Variants in HADHA observed in about 807,000 individuals in gnomAD.
HADHA encodes hydroxyacyl-CoA dehydrogenase trifunctional multienzyme complex subunit alpha.
HADHA carries 59 observed loss-of-function variants against 91.3 expected under a neutral mutation model. The ratio of observed to expected loss-of-function variants is 0.65; its 90% CI spans 0.52 to 0.80. The LOEUF is 0.80. Ranked by LOEUF, HADHA falls within the 30% of genes least tolerant of loss-of-function variation. HADHA has a pLI of 0.00. For synonymous variants in HADHA, 320 were observed against 338.9 expected (o/e 0.94, Z 0.61); for missense variants, 800 against 927.6 (o/e 0.86, Z 1.79).
intron 3 of HADHA, 137 bp from the exon 4 acceptor site, chr2:26,237,125 T>C (rs887986859): frequency 1.3e-6 from 1 of 757,542 alleles, no homozygotes; most frequent in South Asian, 1.4e-5. Flanking sequence ...GTAAGAAATA[T>C]CATTCTCCCA....
At chr2:26,198,064 A>G (rs1669728182) in intron 13 of HADHA, among the ~76,000 whole-genome samples, 1 of 152,188 alleles carries the variant, frequency 6.6e-6, no homozygotes, top group Non-Finnish European at 1.5e-5. Flanking sequence ...GGTCAATAAA[A>G]CAGCTTAGAA....
chr2:26,234,128 T>A, intron 5 of HADHA, 89 bp downstream of exon 5: 2 of 1,320,074 alleles, frequency 1.5e-6, no homozygotes, highest in Admixed American at 3.6e-5. Context: ...AGAAACTTTT[T>A]CCAGGCAAAG....
chr2:26,191,696 C>T (rs1352126261), intron 18 of HADHA, 68 bp from the exon 19 acceptor site: 14 of 1,536,272 alleles, frequency 9.1e-6, no homozygotes, highest in African/African-American at 1.4e-5. Context: ...GCCGCAGATG[C>T]AGAATGGAAG....
Position 26,232,181 on chromosome 2 carries a change from G to T in HADHA, c.552C>A (p.Gly184=), listed in dbSNP as rs997810898. Residue 184 remains glycine, a synonymous_variant, in exon 6 of 20, where the codon GGC becomes GGA. Transcript: ENST00000380649. ...VLLGALPGAG[G]TQRLPKMVGV... ...TCACCATTTTGGGCAGCCTTTGTGT[G>T]CCTCCTGCTCCTGGTAAGGCCCCCA... 3.1e-6 allele frequency: 5 copies of T among 1,610,484 alleles called. No homozygotes were observed. In the African/African-American group the frequency reaches 6.7e-5, roughly 22 times the overall value.
At chr2:26,194,438 C>G in intron 16 of HADHA, 132 bp downstream of exon 16, 1 of 730,114 alleles carries the variant, frequency 1.4e-6, no homozygotes, top group South Asian at 1.5e-5. Context: ...AGAGAGGGCA[C>G]CAGGGACCTT....
chr2:26,220,601 C>T (rs529246776), intron 7 of HADHA, among the ~76,000 whole-genome samples: 1 of 152,322 alleles, frequency 6.6e-6, no homozygotes, highest in South Asian at 2.1e-4. Context: ...ACTGGTGTTC[C>T]AGATGTCGTT....
chr2:26,212,362 CA>C (rs1670121761), intron 10 of HADHA: 1 of 571,350 alleles, frequency 1.8e-6, no homozygotes, highest in African/African-American at 1.9e-5. Flanking sequence ...GTTGGGATTA[CA>C]GGGGTAAACC....
chr2:26,223,902 A>C (rs964502407), intron 7 of HADHA, among the ~76,000 whole-genome samples: 5 of 152,026 alleles, frequency 3.3e-5, no homozygotes, highest in African/African-American at 1.2e-4. Flanking sequence ...ATGTACCACC[A>C]CGCCTGGCTA....
At chr2:26,196,184 A>G (rs979582720) in intron 14 of HADHA, among the ~76,000 whole-genome samples, 7 of 152,312 alleles carry the variant, frequency 4.6e-5, no homozygotes, top group East Asian at 3.9e-4. Flanking sequence ...GGTTAGTAGT[A>G]CAGAGTCAGT....
chr2:26,207,876 TATC>T (rs1287451875), intron 11 of HADHA, among the ~76,000 whole-genome samples: 1 of 152,214 alleles, frequency 6.6e-6, no homozygotes, highest in African/African-American at 2.4e-5. Flanking sequence ...GAATTCCAGT[TATC>T]ATCCAAGGCA....
intron 3 of HADHA, 145 bp from the exon 4 acceptor site, chr2:26,237,133 C>A: frequency 2.7e-6 from 2 of 735,272 alleles, no homozygotes; most frequent in South Asian, 1.5e-5. Flanking sequence ...TATCATTCTC[C>A]CAGCAAGTCA....
chr2:26,212,671 C>T (rs748008998), intron 9 of HADHA, 45 bp from the exon 10 acceptor site: 7 of 1,251,596 alleles, frequency 5.6e-6, no homozygotes, highest in African/African-American at 2.9e-5. Flanking sequence ...AATAGATTGG[C>T]GAGATGTACA....
Position 26,214,362 on chromosome 2 carries a change from G to T in HADHA, c.918+81C>A. ...AAGAAATTTAGTACTCAACATACAT[G>T]GTCCAGAATGGCAATAAGGAGGAGT... On this transcript the variant is annotated intron_variant, in intron 9 of 19. Transcript: ENST00000380649. The surrounding 1 kb of genome is among the most constrained non-coding windows in gnomAD (Gnocchi z 4.1). The T allele has an allele frequency of 1.2e-6, 1 of 801,200 alleles. No individual in the cohort carries two copies. Among genetic ancestry groups the T allele is most frequent in the Non-Finnish European group, 2.3e-6 (1 of 439,572 alleles). The allele number at this position is 801,200 out of a possible 1,614,324, so 49.6% of individuals were successfully genotyped here. A position where few individuals can be genotyped will look rare whatever the true frequency, so the allele number is the denominator to read the frequency against.
At position 26,214,859 on chromosome 2, in the gene HADHA, G is replaced by GA. The variant is rs946579715; in HGVS notation, c.799+193dup. 6.6e-6 allele frequency among the ~76,000 whole-genome samples: 1 copy of GA among 151,674 alleles called. No homozygotes were observed. Among genetic ancestry groups the GA allele is most frequent in the Admixed American group, 6.6e-5 (1 of 15,242 alleles). On this transcript the variant is annotated intron_variant, in intron 8 of 19. Coordinates refer to ENST00000380649, the MANE Select transcript of HADHA (RefSeq NM_000182.5). This position sits in a 1 kb window ranked among gnomAD's most constrained non-coding sequence, Gnocchi z 4.1. ...TCTATGACTCAAGGGTCATCATAAG[G>GA]AAAAAAAAGGTTTTAAAAATTGGCT...
intron 7 of HADHA, among the ~76,000 whole-genome samples, chr2:26,220,530 T>C (rs961210590): frequency 3.9e-5 from 6 of 152,238 alleles, no homozygotes; most frequent in African/African-American, 1.4e-4. Context: ...AGAAAACAGA[T>C]GGATCCTATA....
intron 17 of HADHA, among the ~76,000 whole-genome samples, chr2:26,193,280 G>T (rs997969493): frequency 7.0e-6 from 1 of 142,522 alleles, no homozygotes; most frequent in Admixed American, 7.2e-5. Context: ...CCCTTAGAAG[G>T]TTCACATGAC....
Position 26,214,585 on chromosome 2 carries a change from T to C in HADHA, c.800-24A>G, listed in dbSNP as rs754835727. On this transcript the variant is annotated intron_variant, in intron 8 of 19. Transcript: ENST00000380649. The surrounding 1 kb of genome is among the most constrained non-coding windows in gnomAD (Gnocchi z 4.1). Reference sequence around the variant, plus strand: ...TTCTGTAAAATAAAATGCTTTTAGATATTTACTATAAAGAGCCTAGATTCC... The same window carrying C: ...TTCTGTAAAATAAAATGCTTTTAGACATTTACTATAAAGAGCCTAGATTCC... The C allele has an allele frequency of 8.3e-7, 1 of 1,204,232 alleles. No individual in the cohort carries two copies. The highest frequency in any genetic ancestry group is 1.7e-5 in the Admixed American group (1 of 59,504). The allele number at this position is 1,204,232 out of a possible 1,614,324, so 74.6% of individuals were successfully genotyped here.
At chr2:26,197,221 C>T (rs1342663063) in intron 14 of HADHA, among the ~76,000 whole-genome samples, 4 of 152,168 alleles carry the variant, frequency 2.6e-5, no homozygotes, top group Middle Eastern at 3.2e-3. Context: ...ATTCCAAATA[C>T]TCACAGAAAG....
rs765819381 is a variant in HADHA at position 26,214,533 on chromosome 2, T to C, written c.828A>G (p.Pro276=). The change falls in exon 9 of 20, where the codon CCA becomes CCG. Residue 276 remains proline, a synonymous_variant. Coordinates refer to ENST00000380649, the MANE Select transcript of HADHA (RefSeq NM_000182.5). This position sits in a 1 kb window ranked among gnomAD's most constrained non-coding sequence, Gnocchi z 4.1. ...TTTTGTAAACCTGTTGCCTGACAAA[T>C]GGAATAGTCATGGCATACGCTGTCA... ...EKLTAYAMTI[P]FVRQQVYKKV... is the part of the protein sequence containing the mutation. 29 of 1,604,118 alleles carry C rather than the reference T, an allele frequency of 1.8e-5. No individual in the cohort carries two copies. The Admixed American group carries it at 4.5e-4, about 25-fold the overall frequency.
Sources: gnomAD v4.1 joint callset for allele counts (sites outside exome capture counted in the v4.1 genomes callset) on GRCh38, gnomAD v4.1.1 for gene constraint, Gnocchi (gnomAD v3.1) non-coding constraint, MANE v1.5 for transcripts, NCBI Gene and HGNC (gene_info 2026-07-23, HGNC 2026-07-21) for gene names.